HS6ST3: variants seen among roughly 807,000 people sequenced by gnomAD.
HS6ST3 encodes heparan sulfate 6-O-sulfotransferase 3.
In HS6ST3, 12 loss-of-function variants were observed where a neutral mutation model predicts 36.7. The observed-to-expected ratio is 0.33, with a 90% CI of 0.21 to 0.53. HS6ST3 has a LOEUF of 0.53. Among genes scored for constraint, HS6ST3 ranks in the 20% least tolerant of loss-of-function variants. The pLI is 0.95. For synonymous variants in HS6ST3, 240 were observed against 257.5 expected (o/e 0.93, Z 0.65); for missense variants, 584 against 640.9 (o/e 0.91, Z 0.96).
At chr13:96,529,817 A>T (rs2056128525) in intron 1 of HS6ST3, among the ~76,000 whole-genome samples, 1 of 152,306 alleles carries the variant, frequency 6.6e-6, no homozygotes, top group East Asian at 1.9e-4. Context: ...TTTAGATAGG[A>T]TCACCCTTAT....
At chr13:96,519,887 A>G (rs1002632282) in intron 1 of HS6ST3, among the ~76,000 whole-genome samples, 31 of 152,202 alleles carry the variant, frequency 2.0e-4, no homozygotes, top group Non-Finnish European at 8.8e-5. Flanking sequence ...TGGAAAATGT[A>G]TATGTTACTT....
At chr13:96,794,285 T>G (rs1413655142) in intron 1 of HS6ST3, among the ~76,000 whole-genome samples, 1 of 152,100 alleles carries the variant, frequency 6.6e-6, no homozygotes, top group Non-Finnish European at 1.5e-5. Flanking sequence ...TGTGAAAATC[T>G]AAAACTCTTA....
At chr13:96,137,767 C>G (rs1018630470) in intron 1 of HS6ST3, among the ~76,000 whole-genome samples, 3 of 152,166 alleles carry the variant, frequency 2.0e-5, no homozygotes, top group African/African-American at 7.2e-5. Context: ...CAAGGCCCAT[C>G]CCTGTTTCAG....
chr13:96,192,067 C>A (rs2054290923), intron 1 of HS6ST3, among the ~76,000 whole-genome samples: 1 of 152,132 alleles, frequency 6.6e-6, no homozygotes, highest in African/African-American at 2.4e-5. Context: ...AGTGCATACT[C>A]AGGAGCCAGA....
intron 1 of HS6ST3, among the ~76,000 whole-genome samples, chr13:96,741,151 C>T (rs916704960): frequency 3.9e-5 from 6 of 152,146 alleles, no homozygotes; most frequent in African/African-American, 1.4e-4. Flanking sequence ...TAATTGGCTG[C>T]CATTTGACAT....
At chr13:96,315,233 A>C (rs1420674514) in intron 1 of HS6ST3, among the ~76,000 whole-genome samples, 2 of 152,166 alleles carry the variant, frequency 1.3e-5, no homozygotes, top group East Asian at 3.8e-4. Flanking sequence ...AGATCTTGAC[A>C]ACTGATATTG....
chr13:96,369,086 T>A (rs1480669113), intron 1 of HS6ST3, among the ~76,000 whole-genome samples: 1 of 58,932 alleles, frequency 1.7e-5, no homozygotes, highest in Admixed American at 2.2e-4. Flanking sequence ...GTGGGGAGGG[T>A]GGGTGTGAGA....
intron 1 of HS6ST3, among the ~76,000 whole-genome samples, chr13:96,153,510 G>A (rs1241916379): frequency 6.6e-6 from 1 of 152,122 alleles, no homozygotes; most frequent in Non-Finnish European, 1.5e-5. Context: ...TCCCCGCTAT[G>A]TGAAAGGTTA....
chr13:96,143,710 A>C (rs2054043143), intron 1 of HS6ST3, among the ~76,000 whole-genome samples: 1 of 152,122 alleles, frequency 6.6e-6, no homozygotes, highest in Admixed American at 6.6e-5. Flanking sequence ...CATTTAATTA[A>C]GTTCACTTCT....
intron 1 of HS6ST3, among the ~76,000 whole-genome samples, chr13:96,434,872 G>C (rs1408220625): frequency 6.6e-6 from 1 of 151,930 alleles, no homozygotes; most frequent in Non-Finnish European, 1.5e-5. Flanking sequence ...TATAAAAAAG[G>C]CTTACTGAAA....
At chr13:96,131,914 G>T (rs1220640272) in intron 1 of HS6ST3, among the ~76,000 whole-genome samples, 1 of 151,330 alleles carries the variant, frequency 6.6e-6, no homozygotes, top group Non-Finnish European at 1.5e-5. Context: ...TAAAAAAAAA[G>T]GTAAAAACTT....
At chr13:96,825,025 A>G (rs930421054) in intron 1 of HS6ST3, among the ~76,000 whole-genome samples, 3 of 152,164 alleles carry the variant, frequency 2.0e-5, no homozygotes, top group African/African-American at 4.8e-5. Context: ...TTGTGGGGCA[A>G]TGGGGGAGAA....
intron 1 of HS6ST3, among the ~76,000 whole-genome samples, chr13:96,455,834 T>G (rs901661343): frequency 2.6e-5 from 4 of 152,338 alleles, no homozygotes; most frequent in Middle Eastern, 3.4e-3. Context: ...AACTCTTTGA[T>G]GCTGGCTCTA....
At chr13:96,764,793 G>A (rs1310499345) in intron 1 of HS6ST3, among the ~76,000 whole-genome samples, 1 of 152,090 alleles carries the variant, frequency 6.6e-6, no homozygotes, top group African/African-American at 2.4e-5. Context: ...AATTCCACAG[G>A]GGTGTTTTTG....
At chr13:96,354,063 C>T (rs940477365) in intron 1 of HS6ST3, among the ~76,000 whole-genome samples, 2 of 152,148 alleles carry the variant, frequency 1.3e-5, no homozygotes, top group African/African-American at 2.4e-5. Context: ...GATATATGTA[C>T]AGTTAATATT....
chr13:96,640,729 CT>C (rs2056567301), intron 1 of HS6ST3, among the ~76,000 whole-genome samples: 1 of 151,836 alleles, frequency 6.6e-6, no homozygotes, highest in Non-Finnish European at 1.5e-5. Flanking sequence ...GAGTAACCTT[CT>C]GTATATGATT....
intron 1 of HS6ST3, among the ~76,000 whole-genome samples, chr13:96,264,342 A>G (rs2054681041): frequency 1.3e-5 from 2 of 152,162 alleles, no homozygotes; most frequent in Non-Finnish European, 2.9e-5. Flanking sequence ...ACATAGAGCC[A>G]TTTTTAACTA....
chr13:96,193,468 G>C (rs2054298309), intron 1 of HS6ST3, among the ~76,000 whole-genome samples: 1 of 152,138 alleles, frequency 6.6e-6, no homozygotes, highest in African/African-American at 2.4e-5. Context: ...TTTGGTATAA[G>C]CTCTCTAAGA....
intron 1 of HS6ST3, chr13:96,427,342 TACTCAG>T (rs1020532802): frequency 6.5e-6 from 1 of 153,518 alleles, no homozygotes; most frequent in Non-Finnish European, 1.5e-5. Context: ...ACCTGTCAAA[TACTCAG>T]TATCAGTAGA....
Sources: gnomAD v4.1 joint callset for allele counts (sites outside exome capture counted in the v4.1 genomes callset) on GRCh38, gnomAD v4.1.1 for gene constraint, MANE v1.5 for transcripts, NCBI Gene and HGNC (gene_info 2026-07-23, HGNC 2026-07-21) for gene names.